Variants in SEM1 observed in about 807,000 individuals in gnomAD.
The protein encoded by SEM1 is SEM1 26S proteasome subunit, also known as 26S proteasome complex subunit SEM1.
In SEM1, 3 loss-of-function variants were observed where a neutral mutation model predicts 12.7. The observed-to-expected ratio is 0.24, with a 90% confidence interval of 0.11 to 0.61. SEM1 has a LOEUF of 0.61. Ranked by LOEUF, SEM1 falls within the 20% of genes least tolerant of loss-of-function variation. SEM1 has a pLI of 0.88. For synonymous variants in SEM1, 30 were observed against 27.8 expected, an observed-to-expected ratio of 1.08 and a Z score of -0.25; for missense variants, 59 against 81.3, an observed-to-expected ratio of 0.73 and a Z score of 1.06.
chr7:96,632,222 G>C (rs1299362663), intron 2 of SEM1, among the ~76,000 whole-genome samples: 1 of 152,120 alleles, frequency 6.6e-6, no homozygotes, highest in African/African-American at 2.4e-5. Flanking sequence ...CCAAAGGATT[G>C]TAAGTCATTC....
At chr7:96,512,885 G>A (rs1293405260) in intron 2 of SEM1, among the ~76,000 whole-genome samples, 1 of 152,030 alleles carries the variant, frequency 6.6e-6, no homozygotes, top group Admixed American at 6.6e-5. Flanking sequence ...ATAGAAGGGA[G>A]GCAAAGAAGT....
At chr7:96,677,226 T>C (rs143566659) in intron 2 of SEM1, among the ~76,000 whole-genome samples, 1 of 152,150 alleles carries the variant, frequency 6.6e-6, no homozygotes, top group Admixed American at 6.6e-5. Flanking sequence ...GAGTCGTCTC[T>C]AAATGGGGAG....
intron 2 of SEM1, among the ~76,000 whole-genome samples, chr7:96,577,934 A>T (rs1245500060): frequency 6.6e-6 from 1 of 152,078 alleles, no homozygotes; most frequent in Non-Finnish European, 1.5e-5. Flanking sequence ...TGCAGGATAT[A>T]AAATAGGTAT....
intron 2 of SEM1, among the ~76,000 whole-genome samples, chr7:96,545,459 A>G (rs866536922): frequency 1.7e-4 from 25 of 150,522 alleles, no homozygotes; most frequent in African/African-American, 4.4e-4. Context: ...ATATGAGGGG[A>G]AAAAAAAAAT....
intron 2 of SEM1, among the ~76,000 whole-genome samples, chr7:96,564,184 G>A (rs760056693): frequency 6.6e-6 from 1 of 151,888 alleles, no homozygotes; most frequent in Non-Finnish European, 1.5e-5. Context: ...TTCATTTTGA[G>A]TCGATTTTGA....
chr7:96,509,409 C>T (rs1803862182), intron 2 of SEM1, among the ~76,000 whole-genome samples: 1 of 151,980 alleles, frequency 6.6e-6, no homozygotes, highest in African/African-American at 2.4e-5. Flanking sequence ...TTAGTTGTTA[C>T]AAAGACTGAA....
chr7:96,510,741 G>T (rs373209444), intron 2 of SEM1, among the ~76,000 whole-genome samples: 2 of 152,154 alleles, frequency 1.3e-5, no homozygotes, highest in African/African-American at 4.8e-5. Context: ...TGCTTTTGAA[G>T]TTGATGCCTG....
At position 96,699,453 on chromosome 7, in the gene SEM1, TA is replaced by T. The variant is rs1419250946; in HGVS notation, c.77-4563del. 4.6e-5 allele frequency among the ~76,000 whole-genome samples: 7 copies of T among 152,224 alleles called. No individual in the cohort carries two copies. The East Asian group carries it at 1.3e-3, about 29-fold the overall frequency. On this transcript the variant is annotated intron_variant, in intron 1 of 2. Coordinates refer to ENST00000248566, the MANE Select transcript of SEM1 (RefSeq NM_006304.2). ...CATAAGCAAAACAAACAAAACATTT[TA>T]AAAACCACTTCTCATCTAGTTAATT...
At chr7:96,591,172 A>G (rs1438271999) in intron 2 of SEM1, among the ~76,000 whole-genome samples, 2 of 152,142 alleles carry the variant, frequency 1.3e-5, no homozygotes, top group African/African-American at 4.8e-5. Flanking sequence ...CTAACTACAC[A>G]AGATTCACAA....
chr7:96,618,810 T>A (rs561591824), downstream of SEM1, among the ~76,000 whole-genome samples: 1 of 152,314 alleles, frequency 6.6e-6, no homozygotes, highest in South Asian at 2.1e-4. Flanking sequence ...ATTAGCCAGT[T>A]GTGGCTGGCA....
intron 2 of SEM1, among the ~76,000 whole-genome samples, chr7:96,541,431 G>GTTTTTTTTTTTTTTTTTT (rs55863103): frequency 8.2e-6 from 1 of 121,488 alleles, no homozygotes; most frequent in African/African-American, 3.8e-5. Context: ...TTTTTAATGG[G>GTTTTTTTTTTTTTTTTTT]TTTTTTTTTT....
At chr7:96,552,625 A>G (rs1174371483) in intron 2 of SEM1, among the ~76,000 whole-genome samples, 3 of 146,976 alleles carry the variant, frequency 2.0e-5, no homozygotes, top group African/African-American at 5.0e-5. Context: ...AGTCTTTGCT[A>G]TTGTGAATAA....
chr7:96,607,570 C>A (rs1807419732), intron 2 of SEM1, among the ~76,000 whole-genome samples: 1 of 151,892 alleles, frequency 6.6e-6, no homozygotes, highest in Non-Finnish European at 1.5e-5. Flanking sequence ...CTTTATAATT[C>A]AATTGAATAA....
intron 3 of SEM1, among the ~76,000 whole-genome samples, chr7:96,504,006 C>T (rs1278702674): frequency 1.3e-5 from 2 of 152,108 alleles, no homozygotes; most frequent in South Asian, 4.1e-4. Flanking sequence ...TTTCTGTTTT[C>T]ATTTCCCTGC....
In SEM1 at chr7:96,519,918, A is replaced by C. The variant is rs139332624; in HGVS notation, c.171-13220T>G. Among the ~76,000 whole-genome samples, 917 of 152,200 alleles carry C rather than the reference A, an allele frequency of 6.0e-3. 1 individual carries two copies. The highest frequency in any genetic ancestry group is 0.011 in the Non-Finnish European group (742 of 68,000). ...ACAGTCATGTACTTGCAAGGAAAGA[A>C]GACGGGGGAAAGAAGGGGCCTCTTG... On this transcript the variant is annotated intron_variant and NMD_transcript_variant, in intron 2 of 3. Transcript: ENST00000466986.
intron 2 of SEM1, among the ~76,000 whole-genome samples, chr7:96,611,677 C>G (rs1269743755): frequency 6.6e-6 from 1 of 152,128 alleles, no homozygotes; most frequent in Non-Finnish European, 1.5e-5. Context: ...TTGAGAATTT[C>G]ACTTGTTTAT....
intron 2 of SEM1, among the ~76,000 whole-genome samples, chr7:96,680,447 T>C (rs1045556221): frequency 6.6e-6 from 1 of 151,936 alleles, no homozygotes; most frequent in African/African-American, 2.4e-5. Context: ...AGAGGAGAAA[T>C]ACACAATGTT....
In SEM1 at chr7:96,690,840, G is replaced by A. The variant is rs531746737; in HGVS notation, c.171-1874C>T. Among the ~76,000 whole-genome samples, 17 of 152,150 alleles carry A rather than the reference G, an allele frequency of 1.1e-4. No homozygotes were observed. In the South Asian group the frequency reaches 3.3e-3, roughly 30 times the overall value. On this transcript the variant is annotated intron_variant, in intron 2 of 2. Coordinates refer to ENST00000248566, the MANE Select transcript of SEM1 (RefSeq NM_006304.2). ...GGCTGGAGTGCAGTGGTGCCATCTC[G>A]GCTCACTGCAAGCTCCACCTCCCAG... is the stretch of plus-strand genomic sequence containing the variant.
Position 96,646,569 on chromosome 7 carries a change from C to T in SEM1, c.171-23926G>A, listed in dbSNP as rs563950950. On this transcript the variant is annotated intron_variant, in intron 2 of 2. Transcript: ENST00000417009. ...CTATACATGTAAGATTTTTTGGAAA[C>T]AGGGACCAGATATGCTGGCTGTCTA... Among the ~76,000 whole-genome samples the T allele has an allele frequency of 2.2e-4, 34 of 152,158 alleles. No homozygotes were observed. The Middle Eastern group carries it at 0.01, about 46-fold the overall frequency.
Sources: allele counts gnomAD v4.1 joint callset (sites outside exome capture counted in the v4.1 genomes callset), GRCh38; gene constraint gnomAD v4.1.1; transcripts MANE v1.5; gene names NCBI Gene and HGNC (gene_info 2026-07-23, HGNC 2026-07-21).